Variants in ARMH3 observed in about 807,000 individuals in gnomAD.
ARMH3 encodes the protein armadillo like helical domain containing 3, also known as armadillo-like helical domain-containing protein 3.
A neutral mutation model predicts 99.1 loss-of-function variants in ARMH3; 60 were observed. The ratio of observed to expected loss-of-function variants is 0.61; its 90% CI spans 0.49 to 0.75. ARMH3 has a LOEUF of 0.75. ARMH3 is among the 30% of genes least tolerant of loss of function. ARMH3 has a pLI of 0.00. For missense variants in ARMH3, 679 were observed against 843.1 expected (o/e 0.81, Z 2.41); for synonymous variants, 285 against 292.8 (o/e 0.97, Z 0.27).
intron 19 of ARMH3, among the ~76,000 whole-genome samples, chr10:101,990,179 CTT>C (rs762793068): frequency 1.5e-5 from 2 of 134,570 alleles, no homozygotes; most frequent in Non-Finnish European, 1.6e-5. Flanking sequence ...CATGAACTTT[CTT>C]TTTTTTTTTT....
chr10:102,044,145 G>A (rs1259226710), intron 1 of ARMH3, among the ~76,000 whole-genome samples: 1 of 147,478 alleles, frequency 6.8e-6, no homozygotes, highest in African/African-American at 2.5e-5. Flanking sequence ...CCAGGCTGGA[G>A]TGCAGCAGCG....
intron 2 of ARMH3, among the ~76,000 whole-genome samples, chr10:102,035,578 A>AT (rs1294707245): frequency 6.6e-6 from 1 of 152,100 alleles, no homozygotes; most frequent in Non-Finnish European, 1.5e-5. Flanking sequence ...TGGTTTTCGT[A>AT]TTTTTTTGGT....
chr10:101,908,295 A>C (rs1302158493), intron 23 of ARMH3, among the ~76,000 whole-genome samples: 1 of 152,198 alleles, frequency 6.6e-6, no homozygotes, highest in East Asian at 1.9e-4. Context: ...AGTTGATGTC[A>C]ATGGATTCAG....
chr10:101,876,359 C>A (rs2067267648), intron 24 of ARMH3, among the ~76,000 whole-genome samples: 1 of 151,104 alleles, frequency 6.6e-6, no homozygotes, highest in Non-Finnish European at 1.5e-5. Context: ...CCTGAAATTT[C>A]TTTTCTTGGA....
At chr10:102,031,595 C>T (rs998732012) in intron 4 of ARMH3, among the ~76,000 whole-genome samples, 13 of 152,290 alleles carry the variant, frequency 8.5e-5, no homozygotes, top group African/African-American at 3.1e-4. Context: ...CTTTCTGGGA[C>T]ATCAACTCAA....
At chr10:101,898,540 T>C (rs971482932) in intron 23 of ARMH3, among the ~76,000 whole-genome samples, 11 of 152,232 alleles carry the variant, frequency 7.2e-5, no homozygotes, top group Admixed American at 7.2e-4. Flanking sequence ...GTTTCATTAC[T>C]GAGATACCTG....
At chr10:101,979,430 G>A (rs1465177107) in intron 19 of ARMH3, among the ~76,000 whole-genome samples, 3 of 152,132 alleles carry the variant, frequency 2.0e-5, no homozygotes, top group Non-Finnish European at 4.4e-5. Flanking sequence ...AATACATAGA[G>A]ACAAAAAGTA....
chr10:101,918,349 TG>T (rs2135585190), intron 23 of ARMH3, among the ~76,000 whole-genome samples: 2 of 152,274 alleles, frequency 1.3e-5, no homozygotes, highest in Admixed American at 1.3e-4. Context: ...CCACTGCGCC[TG>T]GCCATCCAGT....
At chr10:102,041,214 G>A (rs1158935423) in intron 1 of ARMH3, among the ~76,000 whole-genome samples, 1 of 150,734 alleles carries the variant, frequency 6.6e-6, no homozygotes, top group East Asian at 1.9e-4. Flanking sequence ...TTGCTTCACG[G>A]AATTCTCGAT....
chr10:102,032,391 C>T (rs978720641), intron 4 of ARMH3, among the ~76,000 whole-genome samples: 3 of 152,172 alleles, frequency 2.0e-5, no homozygotes, highest in African/African-American at 7.2e-5. Flanking sequence ...TTCTGAATTA[C>T]AGATTCCTTT....
rs551142428 is a variant in ARMH3, at chr10:102,034,458, C to A, written c.103-1119G>T. Among the ~76,000 whole-genome samples, 94 of 151,300 alleles carry A rather than the reference C, an allele frequency of 6.2e-4. 1 individual carries two copies. The highest frequency in any genetic ancestry group is 2.1e-3 in the African/African-American group (88 of 41,212). Reference sequence around the variant, plus strand: ...GAGACCATCCTGGCTAACACGGTGACACCCCATCTCTACTAAAAATACAAA... The same window carrying A: ...GAGACCATCCTGGCTAACACGGTGAAACCCCATCTCTACTAAAAATACAAA... On this transcript the variant is annotated intron_variant, in intron 2 of 25. Transcript: ENST00000370033.
chr10:101,896,231 A>AAAAC (rs142465399), intron 23 of ARMH3, among the ~76,000 whole-genome samples: 7,178 of 151,730 alleles, frequency 0.047, 193 homozygotes, highest in South Asian at 0.061. Context: ...CCCTGTCTCA[A>AAAAC]AAACAAACAA....
rs1400434536 is a variant in ARMH3 at position 101,975,255 on chromosome 10, C to T, written c.1452G>A (p.Lys484=). 2 of 1,612,574 alleles carry T rather than the reference C, an allele frequency of 1.2e-6. No individual in the cohort carries two copies. Among genetic ancestry groups the T allele is most frequent in the Non-Finnish European group, 1.7e-6 (2 of 1,179,132 alleles). ...AGGTGTAATGCAGGCGTACCCGACA[C>T]TTCTTCTGGTAGCAGAGCAGTTTGT... ...VVHKLLCYQK[K]CRVRLHYTWR... The change falls in exon 20 of 26, where the codon AAG becomes AAA. Residue 484 remains lysine (K), a synonymous_variant. Transcript: ENST00000370033.
chr10:101,947,217 C>T (rs760944446), intron 22 of ARMH3, among the ~76,000 whole-genome samples: 1 of 151,736 alleles, frequency 6.6e-6, no homozygotes, highest in South Asian at 2.1e-4. Context: ...TAGAGAAAAA[C>T]AACATACTAC....
Position 101,889,421 on chromosome 10 carries a change from T to C in ARMH3, c.1851A>G (p.Ser617=). ...YAAVNHISQL[S]EEQVLEVVRA... ...GAAAGTAGTGGCTTACCTGCTCCTC[T>C]GACAGTTGGGATATGTGATTCACAG... The change falls in exon 24 of 26, where the codon TCA becomes TCG. Residue 617 remains serine, a synonymous_variant. Coordinates refer to ENST00000370033, the MANE Select transcript of ARMH3 (RefSeq NM_024541.3). The C allele has an allele frequency of 6.2e-7, 1 of 1,613,644 alleles. No homozygotes were observed. Among genetic ancestry groups the C allele is most frequent in the Non-Finnish European group, 8.5e-7 (1 of 1,179,506 alleles).
chr10:101,931,565 C>G (rs936507065), intron 23 of ARMH3, among the ~76,000 whole-genome samples: 1 of 151,440 alleles, frequency 6.6e-6, no homozygotes, highest in African/African-American at 2.4e-5. Context: ...TGGATATCCA[C>G]GTGCCCAAAA....
At chr10:102,017,596 AC>A (rs2066778590) in intron 8 of ARMH3, among the ~76,000 whole-genome samples, 1 of 152,040 alleles carries the variant, frequency 6.6e-6, no homozygotes, top group South Asian at 2.1e-4. Flanking sequence ...CCTCTCTTTA[AC>A]TATCCTCAGC....
chr10:101,966,302 T>TG (rs2135870723), intron 20 of ARMH3, among the ~76,000 whole-genome samples: 1 of 136,450 alleles, frequency 7.3e-6, no homozygotes, highest in African/African-American at 2.8e-5. Flanking sequence ...TTTTTTTTTT[T>TG]TTTTTTTTTT....
rs1264892812 is a variant in ARMH3, at chr10:102,022,313, CA to C, written c.669+1163del. ...ATCATCATACTCAATAGGGGAACTT[CA>C]AAAAAAAACAACTAAAAAATACAAA... On this transcript the variant is annotated intron_variant, in intron 8 of 25. Transcript: ENST00000370033. Among the ~76,000 whole-genome samples the C allele has an allele frequency of 4.1e-5, 6 of 147,234 alleles. No individual in the cohort carries two copies. The South Asian group carries it at 6.5e-4, about 16-fold the overall frequency.
Sources: gnomAD v4.1 joint callset for allele counts (sites outside exome capture counted in the v4.1 genomes callset) on GRCh38, gnomAD v4.1.1 for gene constraint, MANE v1.5 for transcripts, NCBI Gene and HGNC (gene_info 2026-07-23, HGNC 2026-07-21) for gene names.